COL4A6: variants seen among roughly 807,000 people sequenced by gnomAD.
The protein encoded by COL4A6 is collagen alpha-6(IV) chain.
In COL4A6, 59 loss-of-function variants were observed where a neutral mutation model predicts 126.7. The ratio of observed to expected loss-of-function variants is 0.47; its 90% CI spans 0.38 to 0.58. The LOEUF (loss-of-function observed/expected upper bound fraction) is 0.58. Ranked by LOEUF, COL4A6 falls within the 20% of genes least tolerant of loss-of-function variation. The pLI is 0.00. For missense variants in COL4A6, 1,285 were observed against 1,337.3 expected, an observed-to-expected ratio of 0.96 and a Z score of 0.61; for synonymous variants, 547 against 496.6, an observed-to-expected ratio of 1.10 and a Z score of -1.35.
At chrX:108,294,595 G>A (rs2038269267) in intron 3 of COL4A6, among the ~76,000 whole-genome samples, 1 of 110,774 alleles carries the variant, frequency 9.0e-6, no homozygotes, top group South Asian at 3.9e-4. Flanking sequence ...ATAGACCATG[G>A]CACAAATAAA....
chrX:108,288,020 T>C (rs1485865296), intron 3 of COL4A6, among the ~76,000 whole-genome samples: 3 of 112,274 alleles, frequency 2.7e-5, no homozygotes, highest in Non-Finnish European at 5.6e-5. Context: ...TTCACTTGTT[T>C]TAGGCATGAG....
intron 2 of COL4A6, among the ~76,000 whole-genome samples, chrX:108,356,000 A>G (rs2039950913): frequency 9.0e-6 from 1 of 110,883 alleles, no homozygotes; most frequent in Non-Finnish European, 1.9e-5. Flanking sequence ...TGTCAGGTCA[A>G]GGATTGAAAC....
At chrX:108,383,879 T>C in intron 2 of COL4A6, 2 of 508,635 alleles carry the variant, frequency 3.9e-6, no homozygotes, top group Non-Finnish European at 6.8e-6. Context: ...GATCTCAATG[T>C]TGGAAAAATA....
At chrX:108,205,211 G>A (rs1350530538) in intron 11 of COL4A6, among the ~76,000 whole-genome samples, 1 of 111,387 alleles carries the variant, frequency 9.0e-6, no homozygotes, top group Non-Finnish European at 1.9e-5. Context: ...CAGGTAGGAA[G>A]CAGGGAAATA....
At chrX:108,316,614 C>T (rs923448710) in intron 2 of COL4A6, among the ~76,000 whole-genome samples, 5 of 111,578 alleles carry the variant, frequency 4.5e-5, no homozygotes, top group Admixed American at 9.5e-5. Flanking sequence ...GTCTCCTCCA[C>T]GATCCACTGA....
At chrX:108,423,164 A>G (rs2051190439) in intron 2 of COL4A6, among the ~76,000 whole-genome samples, 1 of 112,108 alleles carries the variant, frequency 8.9e-6, no homozygotes. Context: ...AGAATGCTTA[A>G]ACAAATGGCA....
intron 2 of COL4A6, among the ~76,000 whole-genome samples, chrX:108,314,404 A>G (rs1466788331): frequency 8.9e-6 from 1 of 111,764 alleles, no homozygotes; most frequent in Non-Finnish European, 1.9e-5. Flanking sequence ...TCAAGGCCAA[A>G]TTCAAGTTCT....
chrX:108,258,432 T>C (rs754153209), intron 3 of COL4A6, among the ~76,000 whole-genome samples: 1 of 111,858 alleles, frequency 8.9e-6, no homozygotes, highest in African/African-American at 3.2e-5. Context: ...AACTGGGGGA[T>C]CAGGCCTATC....
intron 2 of COL4A6, among the ~76,000 whole-genome samples, chrX:108,361,392 C>T (rs1479237001): frequency 8.9e-6 from 1 of 111,759 alleles, no homozygotes; most frequent in Admixed American, 9.5e-5. Flanking sequence ...ACAAATTTAT[C>T]TGACTCAGGA....
At chrX:108,315,044 G>T (rs1227469849) in intron 2 of COL4A6, among the ~76,000 whole-genome samples, 1 of 111,632 alleles carries the variant, frequency 9.0e-6, no homozygotes, top group Non-Finnish European at 1.9e-5. Flanking sequence ...GCTTGGTCAG[G>T]ATGTCCATTT....
intron 3 of COL4A6, 121 bp from the exon 4 acceptor site, chrX:108,221,495 T>G (rs1171947036): frequency 2.5e-6 from 2 of 798,917 alleles, no homozygotes; most frequent in South Asian, 2.9e-5. Context: ...AAGAGATCTG[T>G]GAGGCACGCC....
At chrX:108,428,840 T>C (rs1242418920) in intron 2 of COL4A6, among the ~76,000 whole-genome samples, 1 of 111,787 alleles carries the variant, frequency 8.9e-6, no homozygotes, top group Non-Finnish European at 1.9e-5. Flanking sequence ...GTGGTGTTAA[T>C]ATCAGATTAG....
intron 3 of COL4A6, among the ~76,000 whole-genome samples, chrX:108,226,476 T>C (rs148838932): frequency 4.9e-3 from 544 of 111,297 alleles, no homozygotes; most frequent in African/African-American, 0.017. Flanking sequence ...GTACTTGGCT[T>C]CTCAGTGTTT....
intron 3 of COL4A6, among the ~76,000 whole-genome samples, chrX:108,274,677 G>A (rs1300827649): frequency 3.6e-5 from 4 of 111,841 alleles, no homozygotes; most frequent in Admixed American, 9.5e-5. Flanking sequence ...TGTGACCCAA[G>A]CTCATTGGTT....
At chrX:108,383,900 A>G in intron 2 of COL4A6, 1 of 561,611 alleles carries the variant, frequency 1.8e-6, no homozygotes, top group South Asian at 3.1e-5. Context: ...CAGAAAGTTA[A>G]GTTCCTCTGG....
At chrX:108,323,386 G>T (rs936382005) in intron 2 of COL4A6, among the ~76,000 whole-genome samples, 1 of 112,007 alleles carries the variant, frequency 8.9e-6, no homozygotes, top group Admixed American at 9.5e-5. Context: ...AAAGGAGAAA[G>T]TGAGAAGTAT....
Position 108,206,563 on chromosome X carries a change from G to A in COL4A6, c.564C>T (p.Pro188=), listed in dbSNP as rs145236371. 1.5e-5 allele frequency: 18 copies of A among 1,208,165 alleles called. No homozygotes were observed. The highest frequency in any genetic ancestry group is 1.8e-5 in the South Asian group (1 of 56,702). ...CAGGTCCTACAGCTCCAGGAAATCCGGGTGCTCCTTGTGGGCCCTAGAGAG... is the reference window on the plus strand; with the variant it reads ...CAGGTCCTACAGCTCCAGGAAATCCAGGTGCTCCTTGTGGGCCCTAGAGAG... ...LDGITGPQGA[P]GFPGAVGPAG... is the part of the protein sequence containing the mutation. The change falls in exon 9 of 45, where the codon CCC becomes CCT. Residue 188 remains proline, a synonymous_variant. Coordinates refer to ENST00000334504, the MANE Select transcript of COL4A6 (RefSeq NM_033641.4).
chrX:108,178,605 C>T, intron 27 of COL4A6, 79 bp downstream of exon 27: 1 of 1,012,231 alleles, frequency 9.9e-7, no homozygotes, highest in Non-Finnish European at 1.3e-6. Context: ...CCCACTACTG[C>T]TATTGCCCCC....
At chrX:108,221,119 C>G in intron 4 of COL4A6, 121 bp downstream of exon 4, 3 of 991,841 alleles carry the variant, frequency 3.0e-6, no homozygotes, top group Non-Finnish European at 4.3e-6. Context: ...TGCAGAAATG[C>G]AGCCTGGCAC....
Sources: allele counts gnomAD v4.1 joint callset (sites outside exome capture counted in the v4.1 genomes callset), GRCh38; gene constraint gnomAD v4.1.1; transcripts MANE v1.5; gene names NCBI Gene and HGNC (gene_info 2026-07-23, HGNC 2026-07-21).